LRRC8B: variants seen among roughly 807,000 people sequenced by gnomAD.
LRRC8B encodes the protein volume-regulated anion channel subunit LRRC8B.
Under a neutral mutation model 58.8 loss-of-function variants are expected in LRRC8B, and 23 were observed. The observed-to-expected ratio is 0.39, with a 90% CI of 0.28 to 0.55. The LOEUF is 0.55. LRRC8B is among the 20% of genes least tolerant of loss of function. The pLI, the probability that LRRC8B is intolerant of heterozygous loss-of-function variation, is 0.62. For synonymous variants in LRRC8B, 359 were observed against 374.1 expected (o/e 0.96, Z 0.47); for missense variants, 694 against 936.0 (o/e 0.74, Z 3.37).
intron 1 of LRRC8B, among the ~76,000 whole-genome samples, chr1:89,538,789 C>G (rs1295362849): frequency 6.6e-6 from 1 of 152,086 alleles, no homozygotes; most frequent in Non-Finnish European, 1.5e-5. Flanking sequence ...GACATGATCT[C>G]AGCTCACTGC....
intron 5 of LRRC8B, among the ~76,000 whole-genome samples, 171 bp downstream of exon 5, chr1:89,584,960 C>A (rs1654521894): frequency 6.6e-6 from 1 of 152,210 alleles, no homozygotes; most frequent in Non-Finnish European, 1.5e-5. Context: ...AATTACAAGT[C>A]ATCGTGGAGA....
chr1:89,578,945 T>C (rs1400347174), intron 3 of LRRC8B, among the ~76,000 whole-genome samples: 4 of 152,210 alleles, frequency 2.6e-5, no homozygotes, highest in African/African-American at 9.6e-5. Flanking sequence ...CCTAAGTATG[T>C]TTAATAATAA....
chr1:89,586,941 G>C lies in LRRC8B; in HGVS notation c.2139+2152G>C, dbSNP rs568033531. The stretch of plus-strand genomic sequence containing the variant: ...CTCTGATGGAATACTTTAGCCTCAT[G>C]ATGGGAACTATAGGTGGCACGGGAG... On this transcript the variant is annotated intron_variant, in intron 5 of 5. Coordinates refer to ENST00000330947, the MANE Select transcript of LRRC8B (RefSeq NM_001369817.2). 7.9e-5 allele frequency among the ~76,000 whole-genome samples: 12 copies of C among 152,314 alleles called. No homozygotes were observed. The South Asian group carries it at 2.3e-3, about 29-fold the overall frequency.
At chr1:89,589,517 A>C (rs1381032468) in intron 5 of LRRC8B, among the ~76,000 whole-genome samples, 1 of 151,130 alleles carries the variant, frequency 6.6e-6, no homozygotes, top group Non-Finnish European at 1.5e-5. Flanking sequence ...ATCTTAGACC[A>C]GTCCAATTTA....
At position 89,584,297 on chromosome 1, in the gene LRRC8B, C is replaced by T. The variant is rs757694427; in HGVS notation, c.1647C>T (p.Leu549=). The change falls in exon 5 of 6, where the codon CTC becomes CTT. Residue 549 remains leucine (L), a synonymous_variant. Coordinates refer to ENST00000330947, the MANE Select transcript of LRRC8B (RefSeq NM_001369817.2). ...GGACCCTGTACTTGAAGAGCAGCCT[C>T]TCCCGGATCCCACAAGTTGTTACAG... is the stretch of plus-strand genomic sequence containing the variant. ...NLRTLYLKSS[L]SRIPQVVTDL... 1.9e-6 allele frequency: 3 copies of T among 1,614,018 alleles called. No homozygotes were observed. Among genetic ancestry groups the T allele is most frequent in the African/African-American group, 2.7e-5 (2 of 74,922 alleles).
chr1:89,564,849 T>A (rs184728797), intron 1 of LRRC8B, among the ~76,000 whole-genome samples: 2 of 152,188 alleles, frequency 1.3e-5, no homozygotes, highest in African/African-American at 4.8e-5. Context: ...CTTTTGTGTT[T>A]AATAGTCACT....
chr1:89,589,949 G>A (rs1242737151), intron 5 of LRRC8B, among the ~76,000 whole-genome samples: 6 of 152,134 alleles, frequency 3.9e-5, no homozygotes, highest in African/African-American at 7.2e-5. Context: ...GAGAATTCTA[G>A]GATGTAGAGA....
chr1:89,533,126 C>CT, intron 1 of LRRC8B, among the ~76,000 whole-genome samples: 1 of 152,312 alleles, frequency 6.6e-6, no homozygotes, highest in Middle Eastern at 3.4e-3. Context: ...TGAGCATAGT[C>CT]TATCTGCCAG....
intron 5 of LRRC8B, among the ~76,000 whole-genome samples, chr1:89,590,899 A>ATT (rs1005626868): frequency 5.9e-5 from 9 of 152,178 alleles, no homozygotes; most frequent in Admixed American, 5.2e-4. Flanking sequence ...CCCAAGAGAC[A>ATT]TTTGTCTGGA....
intron 5 of LRRC8B, among the ~76,000 whole-genome samples, chr1:89,585,933 A>G (rs1457558751): frequency 6.6e-6 from 1 of 152,266 alleles, no homozygotes; most frequent in East Asian, 1.9e-4. Flanking sequence ...ATCATACATT[A>G]TTTTTGAAAA....
intron 1 of LRRC8B, among the ~76,000 whole-genome samples, chr1:89,530,645 A>G (rs1027049553): frequency 6.6e-6 from 1 of 152,206 alleles, no homozygotes; most frequent in Non-Finnish European, 1.5e-5. Context: ...TTGGCAAAAA[A>G]TCAGTAGCGC....
chr1:89,563,404 C>T (rs866680568), intron 1 of LRRC8B, among the ~76,000 whole-genome samples: 6 of 152,132 alleles, frequency 3.9e-5, no homozygotes, highest in South Asian at 2.1e-4. Context: ...TAGAGGTTAC[C>T]GGCACAGGTT....
rs1248315584 is a variant in LRRC8B at position 89,583,268 on chromosome 1, G to T, written c.618G>T (p.Leu206Phe). The change falls in exon 5 of 6, where the codon TTG (leucine) becomes TTT (phenylalanine). Residue 206 changes from leucine (L) to phenylalanine (F), a missense_variant. By Grantham distance (22) the Leu-to-Phe change is conservative. Coordinates refer to ENST00000330947, the MANE Select transcript of LRRC8B (RefSeq NM_001369817.2). The surrounding 1 kb of genome is among the most constrained non-coding windows in gnomAD (Gnocchi z 5.2). ...SADIDSGKQS[L>F]PYPQPGLESA... is the part of the protein sequence containing the mutation. The stretch of plus-strand genomic sequence containing the variant: ...ACATAGATTCCGGCAAACAGTCATT[G>T]CCCTACCCACAGCCAGGTTTGGAGT... 1 of 1,614,218 alleles carries T rather than the reference G, an allele frequency of 6.2e-7. No homozygotes were observed. Among genetic ancestry groups the T allele is most frequent in the Admixed American group, 1.7e-5 (1 of 60,030 alleles).
At chr1:89,554,948 T>C (rs1652072199) in intron 1 of LRRC8B, among the ~76,000 whole-genome samples, 1 of 152,170 alleles carries the variant, frequency 6.6e-6, no homozygotes, top group South Asian at 2.1e-4. Flanking sequence ...GCTGATTTTG[T>C]CACTCAGCTA....
chr1:89,583,253 C>A lies in LRRC8B; in HGVS notation c.603C>A (p.Ser201=), dbSNP rs116502828. 14 of 1,614,048 alleles carry A rather than the reference C, an allele frequency of 8.7e-6. No individual in the cohort carries two copies. The highest frequency in any genetic ancestry group is 1.2e-5 in the Non-Finnish European group (14 of 1,180,048). Residue 201 remains serine (S), a synonymous_variant, in exon 5 of 6, where the codon TCC becomes TCA. Transcript: ENST00000330947. This position sits in a 1 kb window ranked among gnomAD's most constrained non-coding sequence, Gnocchi z 5.2. ...CAGGGTGTTCAGCTGACATAGATTC[C>A]GGCAAACAGTCATTGCCCTACCCAC... ...SSSGCSADID[S]GKQSLPYPQP...
intron 1 of LRRC8B, among the ~76,000 whole-genome samples, chr1:89,538,081 C>T (rs573153421): frequency 1.7e-4 from 26 of 152,292 alleles, no homozygotes; most frequent in African/African-American, 6.0e-4. Context: ...GTCCTGTTTA[C>T]TCTGAAAGAA....
chr1:89,530,141 G>A (rs1186103742), intron 1 of LRRC8B, among the ~76,000 whole-genome samples: 3 of 151,242 alleles, frequency 2.0e-5, no homozygotes, highest in Admixed American at 1.3e-4. Context: ...CTGAGGTCAG[G>A]AGTTCGAGAC....
At chr1:89,528,202 C>T (rs544718825) in intron 1 of LRRC8B, among the ~76,000 whole-genome samples, 1 of 152,288 alleles carries the variant, frequency 6.6e-6, no homozygotes, top group Non-Finnish European at 1.5e-5. Flanking sequence ...CTTCAGCTAA[C>T]AAGCACAGCA....
At chr1:89,567,735 A>G (rs1215470511) in intron 1 of LRRC8B, among the ~76,000 whole-genome samples, 1 of 152,120 alleles carries the variant, frequency 6.6e-6, no homozygotes, top group Non-Finnish European at 1.5e-5. Flanking sequence ...TTTTTGAAGT[A>G]TATGCAAAAA....
Sources: allele counts gnomAD v4.1 joint callset (sites outside exome capture counted in the v4.1 genomes callset), GRCh38; gene constraint gnomAD v4.1.1; non-coding constraint Gnocchi (gnomAD v3.1); transcripts MANE v1.5; gene names NCBI Gene and HGNC (gene_info 2026-07-23, HGNC 2026-07-21).